Variants in DEPTOR observed in about 807,000 individuals in gnomAD.
DEPTOR encodes the protein DEP domain-containing mTOR-interacting protein.
In DEPTOR, 41 loss-of-function variants were observed where a neutral mutation model predicts 41.6. The ratio of observed to expected loss-of-function variants is 0.98; its 90% CI spans 0.77 to 1.28. DEPTOR has a LOEUF of 1.28. Ranked by LOEUF, DEPTOR falls within the 50% of genes most tolerant of loss-of-function variation. The pLI, the probability that DEPTOR is intolerant of heterozygous loss-of-function variation, is 0.00. For missense variants in DEPTOR, 514 were observed against 527.9 expected (o/e 0.97, Z 0.26); for synonymous variants, 195 against 192.3 (o/e 1.01, Z -0.12).
intron 1 of DEPTOR, among the ~76,000 whole-genome samples, chr8:119,910,047 A>T (rs1350133834): frequency 6.6e-6 from 1 of 152,160 alleles, no homozygotes; most frequent in Non-Finnish European, 1.5e-5. Context: ...TGATCCTCAA[A>T]CTGTTTAAGT....
chr8:119,964,333 GGTGAAACCCC>G (rs1288227184), intron 3 of DEPTOR, among the ~76,000 whole-genome samples: 1 of 151,980 alleles, frequency 6.6e-6, no homozygotes, highest in Non-Finnish European at 1.5e-5. Context: ...TGGACAATAT[GGTGAAACCCC>G]GTCTCTACTA....
rs1812164456 is a variant in DEPTOR at position 119,991,092 on chromosome 8, CTTTCTTTCTTTCTTTCTTTCTTTCTTT to C, written c.605-10429_605-10403del. Reference sequence around the variant, plus strand: ...TTTCTTTCTTTCTTTCTTTCTTTTTCTTTCTTTCTTTCTTTCTTTCTTTCTTTTTTTTTTAAATCTTTTATTCTTGGT... The same window carrying C: ...TTTCTTTCTTTCTTTCTTTCTTTTTCTTTTTTTAAATCTTTTATTCTTGGT... On this transcript the variant is annotated intron_variant, in intron 4 of 8. Coordinates refer to ENST00000286234, the MANE Select transcript of DEPTOR (RefSeq NM_022783.4). Among the ~76,000 whole-genome samples, 7 of 55,498 alleles carry C rather than the reference CTTTCTTTCTTTCTTTCTTTCTTTCTTT, an allele frequency of 1.3e-4. 1 individual carries two copies. The highest frequency in any genetic ancestry group is 5.1e-4 in the African/African-American group (7 of 13,854). 36.4% of individuals were successfully genotyped at this position (55,498 alleles called of 152,430 possible). A position where few individuals can be genotyped will look rare whatever the true frequency, so the allele number is the denominator to read the frequency against.
In DEPTOR at chr8:119,908,937, G is replaced by C. The variant is rs150128158; in HGVS notation, c.123-19463G>C. 2.2e-3 allele frequency among the ~76,000 whole-genome samples: 328 copies of C among 152,288 alleles called. 1 individual carries two copies. Among genetic ancestry groups the C allele is most frequent in the African/African-American group, 7.6e-3 (317 of 41,546 alleles). On this transcript the variant is annotated intron_variant, in intron 1 of 8. Transcript: ENST00000286234. Reference sequence around the variant, plus strand: ...TGTGATGTAAATCAGAGTCACCAAGGAACAGAGCCTTAGGCTAAAATAGAT... The same window carrying C: ...TGTGATGTAAATCAGAGTCACCAAGCAACAGAGCCTTAGGCTAAAATAGAT...
rs373309592 is a variant in DEPTOR at position 119,878,548 on chromosome 8, C to T, written c.122+4580C>T. 6.9e-3 allele frequency among the ~76,000 whole-genome samples: 1,039 copies of T among 151,130 alleles called. 15 individuals are homozygous for T. Among genetic ancestry groups the T allele is most frequent in the African/African-American group, 0.024 (985 of 41,168 alleles). ...TTCACCATGTTGGCCAGAATGGTCT[C>T]GATCTCTTGACCTCGTGATCCGCCC... On this transcript the variant is annotated intron_variant, in intron 1 of 8. Coordinates refer to ENST00000286234, the MANE Select transcript of DEPTOR (RefSeq NM_022783.4).
chr8:119,919,687 C>T (rs1827865769), intron 1 of DEPTOR, among the ~76,000 whole-genome samples: 1 of 152,150 alleles, frequency 6.6e-6, no homozygotes, highest in Non-Finnish European at 1.5e-5. Flanking sequence ...TAGTTTAAAG[C>T]ATATCTATGT....
At chr8:119,945,650 C>T (rs1268281346) in intron 3 of DEPTOR, among the ~76,000 whole-genome samples, 1 of 152,130 alleles carries the variant, frequency 6.6e-6, no homozygotes, top group Non-Finnish European at 1.5e-5. Context: ...AAATTGAATG[C>T]CATGTTCAGC....
At chr8:120,000,271 T>A (rs1812326723) in intron 4 of DEPTOR, among the ~76,000 whole-genome samples, 1 of 152,006 alleles carries the variant, frequency 6.6e-6, no homozygotes. Context: ...AAAAAGAAAT[T>A]GTGTGCTGTA....
chr8:119,953,001 A>G (rs1193585215), intron 3 of DEPTOR, among the ~76,000 whole-genome samples: 3 of 152,204 alleles, frequency 2.0e-5, no homozygotes, highest in Non-Finnish European at 4.4e-5. Flanking sequence ...CCAAATTATT[A>G]TGAAAATTAT....
chr8:119,943,209 A>T (rs908813038), intron 3 of DEPTOR, among the ~76,000 whole-genome samples: 1 of 152,140 alleles, frequency 6.6e-6, no homozygotes, highest in African/African-American at 2.4e-5. Context: ...GGGTGAGCGT[A>T]TTTATTCCCC....
At chr8:119,946,268 A>G (rs55666486) in intron 3 of DEPTOR, among the ~76,000 whole-genome samples, 20,396 of 152,120 alleles carry the variant, frequency 0.13, 1,623 homozygotes, top group African/African-American at 0.23. Context: ...AAATCTGAAT[A>G]ACATTTTTAA....
At chr8:120,016,583 G>A (rs1467832520) in intron 8 of DEPTOR, among the ~76,000 whole-genome samples, 1 of 151,586 alleles carries the variant, frequency 6.6e-6, no homozygotes, top group Non-Finnish European at 1.5e-5. Flanking sequence ...TTGTAGGTGT[G>A]AGCCACCATG....
At chr8:120,011,780 C>T (rs545970102) in intron 8 of DEPTOR, among the ~76,000 whole-genome samples, 3 of 152,096 alleles carry the variant, frequency 2.0e-5, no homozygotes, top group Non-Finnish European at 4.4e-5. Context: ...ATTCCCTGAT[C>T]GATGTTTTAC....
At chr8:119,922,149 G>T (rs1005732179) in intron 1 of DEPTOR, among the ~76,000 whole-genome samples, 8 of 150,890 alleles carry the variant, frequency 5.3e-5, no homozygotes, top group African/African-American at 2.0e-4. Flanking sequence ...TGAAGCAGGA[G>T]AATTGCTTGA....
intron 3 of DEPTOR, among the ~76,000 whole-genome samples, chr8:119,933,453 G>C (rs368784207): frequency 1.1e-4 from 14 of 124,552 alleles, no homozygotes; most frequent in South Asian, 6.2e-4. Context: ...GACAGAGCAA[G>C]ACACACACAC....
intron 3 of DEPTOR, among the ~76,000 whole-genome samples, chr8:119,932,983 A>G (rs1828064703): frequency 6.6e-6 from 1 of 152,126 alleles, no homozygotes; most frequent in South Asian, 2.1e-4. Flanking sequence ...GGAGAGTAGC[A>G]GGAGATGAGA....
chr8:119,982,892 G>A (rs1002100377), intron 4 of DEPTOR, among the ~76,000 whole-genome samples: 30 of 152,190 alleles, frequency 2.0e-4, no homozygotes, highest in Non-Finnish European at 2.9e-4. Context: ...GAAGGCAGTC[G>A]GTGACTCATA....
intron 3 of DEPTOR, among the ~76,000 whole-genome samples, chr8:119,956,743 T>G (rs1215471004): frequency 1.4e-5 from 2 of 147,776 alleles, no homozygotes; most frequent in South Asian, 2.2e-4. Flanking sequence ...TTTTTTTGTT[T>G]TTTTTTTTTT....
chr8:119,885,023 GT>G (rs1237843618), intron 1 of DEPTOR, among the ~76,000 whole-genome samples: 1 of 152,100 alleles, frequency 6.6e-6, no homozygotes, highest in Non-Finnish European at 1.5e-5. Flanking sequence ...CAATCGGCCC[GT>G]TTTGGATTAT....
chr8:119,983,321 G>T (rs1828790762), intron 4 of DEPTOR, among the ~76,000 whole-genome samples: 1 of 151,656 alleles, frequency 6.6e-6, no homozygotes, highest in South Asian at 2.1e-4. Context: ...TGCAATCTTG[G>T]CTTACTGCAA....
Sources: allele counts gnomAD v4.1 joint callset (sites outside exome capture counted in the v4.1 genomes callset), GRCh38; gene constraint gnomAD v4.1.1; transcripts MANE v1.5; gene names NCBI Gene and HGNC (gene_info 2026-07-23, HGNC 2026-07-21).